The following EIF2A variants were observed in gnomAD, a reference collection of about 807,000 sequenced individuals.
EIF2A encodes the protein eukaryotic translation initiation factor 2A.
Under a neutral mutation model 75.2 loss-of-function variants are expected in EIF2A, and 62 were observed. That is an observed-to-expected ratio of 0.82 (90% CI 0.67 to 1.02). The LOEUF (loss-of-function observed/expected upper bound fraction) is 1.02, where lower values mean the gene tolerates loss of function less well. EIF2A is among the 50% of genes least tolerant of loss of function. The pLI, the probability that EIF2A is intolerant of heterozygous loss-of-function variation, is 0.00. For synonymous variants in EIF2A, 207 were observed against 239.0 expected, an observed-to-expected ratio of 0.87 and a Z score of 1.23; for missense variants, 611 against 677.7, an observed-to-expected ratio of 0.90 and a Z score of 1.09.
chr3:150,561,955 C>A (rs1042989695), intron 3 of EIF2A, among the ~76,000 whole-genome samples: 1 of 151,874 alleles, frequency 6.6e-6, no homozygotes, highest in Non-Finnish European at 1.5e-5. Flanking sequence ...GACAGAGGTT[C>A]TCCATGTTGG....
At chr3:150,577,407 T>C (rs1445644993) in intron 11 of EIF2A, among the ~76,000 whole-genome samples, 1 of 152,100 alleles carries the variant, frequency 6.6e-6, no homozygotes, top group East Asian at 1.9e-4. Context: ...TGCAGAGGCA[T>C]GATCACGGCT....
At position 150,563,638 on chromosome 3, in the gene EIF2A, A is replaced by G. The variant is rs374667836; in HGVS notation, c.392+24A>G. On this transcript the variant is annotated intron_variant, in intron 5 of 13. Coordinates refer to ENST00000460851, the MANE Select transcript of EIF2A (RefSeq NM_032025.5). Reference sequence around the variant, plus strand: ...TGGTAAATAAATGGCTTAAAATACTAATTTTTTACATAGTATTTTTAATGT... The same window carrying G: ...TGGTAAATAAATGGCTTAAAATACTGATTTTTTACATAGTATTTTTAATGT... 328 of 1,434,722 alleles carry G rather than the reference A, an allele frequency of 2.3e-4. 3 individuals carry two copies. Among genetic ancestry groups the G allele is most frequent in the South Asian group, 5.6e-4 (42 of 74,642 alleles). 88.9% of individuals were successfully genotyped at this position (1,434,722 alleles called of 1,614,324 possible).
intron 12 of EIF2A, 22 bp from the exon 13 acceptor site, chr3:150,583,178 G>A (rs1405056360): frequency 1.2e-6 from 2 of 1,605,156 alleles, no homozygotes; most frequent in Non-Finnish European, 1.7e-6. Context: ...CCATGCTCTT[G>A]ACTCATATTT....
chr3:150,574,288 T>G (rs1389874553), intron 10 of EIF2A, among the ~76,000 whole-genome samples: 1 of 152,138 alleles, frequency 6.6e-6, no homozygotes, highest in African/African-American at 2.4e-5. Context: ...AAAAAACTCA[T>G]GATTTATAGT....
At chr3:150,568,125 A>G in intron 8 of EIF2A, 51 bp from the exon 9 acceptor site, 1 of 1,602,270 alleles carries the variant, frequency 6.2e-7, no homozygotes. Context: ...ATAACAGAAG[A>G]ATCAATGCCC....
intron 11 of EIF2A, among the ~76,000 whole-genome samples, chr3:150,578,392 ATG>A (rs1206508657): frequency 2.0e-5 from 3 of 149,254 alleles, no homozygotes; most frequent in African/African-American, 7.3e-5. Flanking sequence ...AATATAAATT[ATG>A]TGATAATTTC....
At chr3:150,575,784 T>G in intron 11 of EIF2A, 22 bp downstream of exon 11, 1 of 1,586,512 alleles carries the variant, frequency 6.3e-7, no homozygotes, top group Non-Finnish European at 8.6e-7. Context: ...ACTAATCTCA[T>G]AACAAAACAA....
At chr3:150,568,649 C>T (rs891824849) in intron 9 of EIF2A, among the ~76,000 whole-genome samples, 3 of 151,916 alleles carry the variant, frequency 2.0e-5, no homozygotes, top group African/African-American at 2.4e-5. Context: ...CATGGTGGCT[C>T]GTGCCAGTAA....
intron 6 of EIF2A, among the ~76,000 whole-genome samples, chr3:150,565,496 A>G (rs1724121089): frequency 1.3e-5 from 2 of 152,206 alleles, no homozygotes; most frequent in Non-Finnish European, 2.9e-5. Context: ...CGGGATAAAT[A>G]TTCTTGCTCT....
In EIF2A at chr3:150,549,293, G is replaced by A. The variant is rs190883932; in HGVS notation, c.28+2463G>A. Among the ~76,000 whole-genome samples, 102 of 149,304 alleles carry A rather than the reference G, an allele frequency of 6.8e-4. No homozygotes were observed. In the East Asian group the frequency reaches 0.011, roughly 16 times the overall value. The stretch of plus-strand genomic sequence containing the variant: ...GAGTGCAATGGCGCGATCTTGGCTC[G>A]CTGCAACCTCCACCTCCCAAGTGCA... On this transcript the variant is annotated intron_variant, in intron 1 of 13. Coordinates refer to ENST00000460851, the MANE Select transcript of EIF2A (RefSeq NM_032025.5).
At chr3:150,567,409 C>T in intron 6 of EIF2A, 1 of 284,986 alleles carries the variant, frequency 3.5e-6, no homozygotes, top group Non-Finnish European at 6.5e-6. Context: ...CTACCATGTG[C>T]CTGGCACTCT....
At chr3:150,580,833 G>A (rs1464839133) in intron 11 of EIF2A, among the ~76,000 whole-genome samples, 1 of 152,176 alleles carries the variant, frequency 6.6e-6, no homozygotes, top group South Asian at 2.1e-4. Flanking sequence ...TGAAAAATAG[G>A]TGGGGAGCGA....
intron 2 of EIF2A, among the ~76,000 whole-genome samples, chr3:150,555,614 C>T (rs543126594): frequency 4.0e-5 from 6 of 149,934 alleles, no homozygotes; most frequent in East Asian, 2.1e-4. Flanking sequence ...TCTGGCTGGG[C>T]GCGGTGGCTC....
chr3:150,552,646 C>A, intron 2 of EIF2A: 1 of 371,242 alleles, frequency 2.7e-6, no homozygotes, highest in African/African-American at 2.1e-5. Flanking sequence ...GTAGGGGGAA[C>A]AATACTAAGA....
chr3:150,568,119 C>T, intron 8 of EIF2A, 57 bp from the exon 9 acceptor site: 1 of 1,601,358 alleles, frequency 6.2e-7, no homozygotes, highest in African/African-American at 1.3e-5. Flanking sequence ...ATGTGTATAA[C>T]AGAAGAATCA....
chr3:150,583,062 C>G, intron 12 of EIF2A, 138 bp from the exon 13 acceptor site: 2 of 712,728 alleles, frequency 2.8e-6, no homozygotes, highest in Non-Finnish European at 4.5e-6. Flanking sequence ...ACAATTTATC[C>G]TAGCATTTTA....
intron 3 of EIF2A, among the ~76,000 whole-genome samples, chr3:150,560,885 CAG>C (rs1445828411): frequency 1.3e-5 from 2 of 152,010 alleles, no homozygotes; most frequent in Admixed American, 1.3e-4. Flanking sequence ...ACTTGTAAAA[CAG>C]AAATGATGAC....
chr3:150,560,588 G>T (rs899070838), intron 3 of EIF2A, among the ~76,000 whole-genome samples: 3 of 152,092 alleles, frequency 2.0e-5, no homozygotes, highest in African/African-American at 7.2e-5. Context: ...TGTTAGGTGT[G>T]TGTGTTTAAA....
In EIF2A at chr3:150,584,864, A is replaced by G. The variant is rs1725383996; in HGVS notation, c.*953A>G. On this transcript the variant is annotated 3_prime_UTR_variant, in exon 14 of 14. Coordinates refer to ENST00000460851, the MANE Select transcript of EIF2A (RefSeq NM_032025.5). Reference sequence around the variant, plus strand: ...AAAAATTTTTAAAGAAAAAGTATACACACAGGACTTTTTTTTTTCTAATTC... The same window carrying G: ...AAAAATTTTTAAAGAAAAAGTATACGCACAGGACTTTTTTTTTTCTAATTC... Among the ~76,000 whole-genome samples the G allele has an allele frequency of 6.6e-6, 1 of 151,744 alleles. No homozygotes were observed. The highest frequency in any genetic ancestry group is 1.5e-5 in the Non-Finnish European group (1 of 67,982).
Sources: allele counts gnomAD v4.1 joint callset (sites outside exome capture counted in the v4.1 genomes callset), GRCh38; gene constraint gnomAD v4.1.1; transcripts MANE v1.5; gene names NCBI Gene and HGNC (gene_info 2026-07-23, HGNC 2026-07-21).